STAM2: variants seen among roughly 807,000 people sequenced by gnomAD.
The protein encoded by STAM2 is signal transducing adaptor molecule 2, also known as signal transducing adapter molecule 2.
Under a neutral mutation model 65.6 loss-of-function variants are expected in STAM2, and 51 were observed. The observed-to-expected ratio is 0.78, with a 90% confidence interval of 0.62 to 0.98. The LOEUF is 0.98. Among genes scored for constraint, STAM2 ranks in the 50% least tolerant of loss-of-function variants. The probability of loss-of-function intolerance (pLI) is 0.00; values close to 1 mark genes in which losing one functional copy is unlikely to be tolerated. For missense variants in STAM2, 584 were observed against 617.8 expected, an observed-to-expected ratio of 0.95 and a Z score of 0.58; for synonymous variants, 198 against 208.4, an observed-to-expected ratio of 0.95 and a Z score of 0.43.
chr2:152,163,671 G>T (rs1210694495), intron 1 of STAM2, among the ~76,000 whole-genome samples: 1 of 152,132 alleles, frequency 6.6e-6, no homozygotes, highest in African/African-American at 2.4e-5. Flanking sequence ...TGTGCAAGTA[G>T]GAGAGATATT....
At position 152,118,665 on chromosome 2, in the gene STAM2, T is replaced by A. The variant is rs1441871381; in HGVS notation, c.*1909A>T. On this transcript the variant is annotated 3_prime_UTR_variant, in exon 14 of 14. Transcript: ENST00000263904. ...AAAAAAGTAAGAAATTCCATATATA[T>A]GCAAATGTTGACTATTATCGAGAGC... 2 of 151,698 alleles carry A rather than the reference T, an allele frequency of 1.3e-5. No individual in the cohort carries two copies. Among genetic ancestry groups the A allele is most frequent in the East Asian group, 3.9e-4 (2 of 5,192 alleles). 9.4% of individuals were successfully genotyped at this position (151,698 alleles called of 1,614,324 possible).
At chr2:152,145,084 T>C (rs1300520076) in intron 5 of STAM2, 127 bp from the exon 6 acceptor site, 1 of 745,556 alleles carries the variant, frequency 1.3e-6, no homozygotes, top group Non-Finnish European at 2.3e-6. Flanking sequence ...AGTGAAGTTC[T>C]TTTTTGAGAC....
intron 1 of STAM2, among the ~76,000 whole-genome samples, chr2:152,153,043 G>C (rs1450358560): frequency 6.6e-6 from 1 of 152,090 alleles, no homozygotes. Context: ...CCTGCATTGT[G>C]AGAAATAAAA....
chr2:152,130,995 C>CA (rs11300791), intron 11 of STAM2, among the ~76,000 whole-genome samples: 4 of 93,900 alleles, frequency 4.3e-5, no homozygotes, highest in African/African-American at 1.6e-4. Context: ...GACTCCATCT[C>CA]AAAAAAAAAA....
Position 152,120,712 on chromosome 2 carries a change from T to C in STAM2, c.1440A>G (p.Gln480=), listed in dbSNP as rs1228673863. Residue 480 remains glutamine (Q), a synonymous_variant, in exon 14 of 14, where the codon CAA becomes CAG. Transcript: ENST00000263904. ...SATGTTAYTQ[Q]MGMSVDMSSY... is the part of the protein sequence containing the mutation. ...ATGACATATCCACAGACATCCCCAT[T>C]TGCTGTGTGTAAGCAGTTGTACCAG... The C allele has an allele frequency of 3.7e-6, 6 of 1,614,042 alleles. No individual in the cohort carries two copies. The highest frequency in any genetic ancestry group is 3.4e-6 in the Non-Finnish European group (4 of 1,180,032).
intron 1 of STAM2, among the ~76,000 whole-genome samples, chr2:152,166,969 G>A (rs780664990): frequency 1.2e-4 from 19 of 152,138 alleles, no homozygotes; most frequent in Non-Finnish European, 2.4e-4. Flanking sequence ...AATAGTTTGC[G>A]AGTTTTCAGA....
chr2:152,144,171 C>G (rs928140042), intron 6 of STAM2, among the ~76,000 whole-genome samples, 158 bp from the exon 7 acceptor site: 1 of 152,042 alleles, frequency 6.6e-6, no homozygotes, highest in Non-Finnish European at 1.5e-5. Context: ...GGCAGGGAAC[C>G]ATGACATTTT....
intron 1 of STAM2, among the ~76,000 whole-genome samples, chr2:152,173,510 C>T (rs1427607820): frequency 6.6e-6 from 1 of 151,634 alleles, no homozygotes; most frequent in African/African-American, 2.4e-5. Flanking sequence ...GATTCTCCTG[C>T]CTCAGCCTCC....
intron 1 of STAM2, among the ~76,000 whole-genome samples, chr2:152,166,660 G>T (rs1281696506): frequency 6.6e-6 from 1 of 151,680 alleles, no homozygotes; most frequent in Non-Finnish European, 1.5e-5. Context: ...ACCTAATAAG[G>T]TATTAATGTT....
rs995121431 is a variant in STAM2 at position 152,172,913 on chromosome 2, A to G, written c.40+2690T>C. On this transcript the variant is annotated intron_variant, in intron 1 of 13. Coordinates refer to ENST00000263904, the MANE Select transcript of STAM2 (RefSeq NM_005843.6). ...AAAGAAAAGGTGGGAAGGAGAGGAT[A>G]GTGTCAACACCTTTACAGAGAAAGC... Among the ~76,000 whole-genome samples the G allele has an allele frequency of 2.6e-5, 4 of 152,000 alleles. No individual in the cohort carries two copies. The South Asian group carries it at 8.3e-4, about 32-fold the overall frequency.
At chr2:152,150,307 T>G in intron 1 of STAM2, 78 bp from the exon 2 acceptor site, 1 of 894,618 alleles carries the variant, frequency 1.1e-6, no homozygotes, top group Non-Finnish European at 1.8e-6. Context: ...GTCCAACAGT[T>G]AAGAAATCCT....
chr2:152,123,598 G>A (rs866039393), intron 13 of STAM2, among the ~76,000 whole-genome samples, 168 bp downstream of exon 13: 5 of 152,170 alleles, frequency 3.3e-5, no homozygotes, highest in South Asian at 2.1e-4. Context: ...GCTTAAGGGC[G>A]GGCAATAATC....
rs1168660697 is a variant in STAM2 at position 152,118,979 on chromosome 2, C to G, written c.*1595G>C. On this transcript the variant is annotated 3_prime_UTR_variant, in exon 14 of 14. Transcript: ENST00000263904. The stretch of plus-strand genomic sequence containing the variant: ...ACTATTTTGTTCTAGAATAAAGTTT[C>G]TTTGAAAAAGGAACATATTTATAAT... The G allele has an allele frequency of 1.3e-5, 2 of 151,846 alleles. No homozygotes were observed. The highest frequency in any genetic ancestry group is 4.8e-5 in the African/African-American group (2 of 41,364). The allele number at this position is 151,846 out of a possible 1,614,324, so 9.4% of individuals were successfully genotyped here. A position where few individuals can be genotyped will look rare whatever the true frequency, so the allele number is the denominator to read the frequency against.
chr2:152,158,076 C>T (rs893207468), intron 1 of STAM2, among the ~76,000 whole-genome samples: 1 of 152,156 alleles, frequency 6.6e-6, no homozygotes, highest in African/African-American at 2.4e-5. Context: ...ACTTTAGAGA[C>T]ATTATTATAT....
chr2:152,175,709 G>A lies in STAM2; in HGVS notation c.-67C>T, dbSNP rs536657225. ...ACTCAGCAACTGCTACCCGCCGGGT[G>A]ACCCGCGGCCGCGGCTCCCTAGACC... On this transcript the variant is annotated 5_prime_UTR_variant, in exon 1 of 14. Transcript: ENST00000263904. The A allele has an allele frequency of 3.2e-6, 5 of 1,549,580 alleles. No homozygotes were observed. Among genetic ancestry groups the A allele is most frequent in the Non-Finnish European group, 4.4e-6 (5 of 1,142,224 alleles).
In STAM2 at chr2:152,130,337, C is replaced by T. The variant is rs552780341; in HGVS notation, c.1025+1777G>A. On this transcript the variant is annotated intron_variant, in intron 11 of 13. Transcript: ENST00000263904. ...CGAGATCTCGGCTCACTGCAAGCTC[C>T]GCCTCCTGGGTTAACGCCATTCTCC... Among the ~76,000 whole-genome samples the T allele has an allele frequency of 1.3e-4, 20 of 151,914 alleles. No individual in the cohort carries two copies. In the East Asian group the frequency reaches 3.2e-3, roughly 24 times the overall value.
intron 1 of STAM2, among the ~76,000 whole-genome samples, chr2:152,166,176 AAAC>A (rs34091983): frequency 0.19 from 29,633 of 151,970 alleles, 3,276 homozygotes; most frequent in Admixed American, 0.29. Context: ...TCTGTCTCAA[AAAC>A]AACAACAACA....
intron 12 of STAM2, chr2:152,124,379 G>C: frequency 6.5e-6 from 1 of 154,602 alleles, no homozygotes; most frequent in Non-Finnish European, 1.4e-5. Flanking sequence ...AGAAACTTGA[G>C]AGAAAAAGCT....
chr2:152,135,555 G>A lies in STAM2; in HGVS notation c.753C>T (p.Phe251=), dbSNP rs1560213376. Residue 251 remains phenylalanine, a synonymous_variant, in exon 8 of 14, where the codon TTC becomes TTT. Transcript: ENST00000263904. ...AATTAGTTGTTACAAAATTGGATGG[G>A]AAAAGTCCTATTCCTCTGTGATTTT... is the stretch of plus-strand genomic sequence containing the variant. ...KGENHRGIGL[F]PSNFVTTNLN... 1.2e-6 allele frequency: 2 copies of A among 1,612,768 alleles called. No individual in the cohort carries two copies. The highest frequency in any genetic ancestry group is 2.2e-5 in the East Asian group (1 of 44,750).
Sources: allele counts gnomAD v4.1 joint callset (sites outside exome capture counted in the v4.1 genomes callset), GRCh38; gene constraint gnomAD v4.1.1; transcripts MANE v1.5; gene names NCBI Gene and HGNC (gene_info 2026-07-23, HGNC 2026-07-21).